Variants in GAS2 observed in about 807,000 individuals in gnomAD.
GAS2 encodes growth arrest-specific protein 2.
A neutral mutation model predicts 37.5 loss-of-function variants in GAS2; 20 were observed. That is an observed-to-expected ratio of 0.53 (90% CI 0.37 to 0.77). GAS2 has a LOEUF of 0.77. Among genes scored for constraint, GAS2 ranks in the 30% least tolerant of loss-of-function variants. The pLI is 0.00. For synonymous variants in GAS2, 144 were observed against 132.2 expected (o/e 1.09, Z -0.61); for missense variants, 336 against 373.4 (o/e 0.90, Z 0.82).
At chr11:22,732,233 A>G (rs1253874846) in intron 4 of GAS2, among the ~76,000 whole-genome samples, 2 of 151,782 alleles carry the variant, frequency 1.3e-5, no homozygotes, top group African/African-American at 4.8e-5. Flanking sequence ...ATTCTGAGTG[A>G]TAGTGGCTTA....
At chr11:22,787,847 T>C (rs1380380508) in intron 7 of GAS2, among the ~76,000 whole-genome samples, 3 of 152,220 alleles carry the variant, frequency 2.0e-5, no homozygotes, top group Non-Finnish European at 4.4e-5. Flanking sequence ...AACAGCTTGG[T>C]ATCTTGTTAG....
At chr11:22,675,907 TC>T (rs1316928152) in intron 2 of GAS2, among the ~76,000 whole-genome samples, 1 of 152,222 alleles carries the variant, frequency 6.6e-6, no homozygotes, top group Non-Finnish European at 1.5e-5. Context: ...GTGCACCCTG[TC>T]CATCTGAAAT....
At chr11:22,752,448 T>C (rs1853794761) in intron 6 of GAS2, among the ~76,000 whole-genome samples, 1 of 151,996 alleles carries the variant, frequency 6.6e-6, no homozygotes, top group Non-Finnish European at 1.5e-5. Context: ...ACATCTAATA[T>C]AAAAGGAAAT....
At chr11:22,645,930 G>A (rs12272637) in intron 1 of GAS2, among the ~76,000 whole-genome samples, 35,405 of 147,494 alleles carry the variant, frequency 0.24, 5,490 homozygotes, top group African/African-American at 0.44. Context: ...TGCAACCTCC[G>A]CCTCCCAAGT....
intron 7 of GAS2, among the ~76,000 whole-genome samples, chr11:22,803,509 C>T (rs1454121802): frequency 6.6e-6 from 1 of 152,056 alleles, no homozygotes; most frequent in Admixed American, 6.6e-5. Flanking sequence ...TAGCACTTTG[C>T]AGAATATGTG....
chr11:22,749,355 C>A, intron 6 of GAS2, 94 bp downstream of exon 6: 5 of 1,131,650 alleles, frequency 4.4e-6, no homozygotes, highest in Admixed American at 2.6e-5. Flanking sequence ...TAATCTTTAC[C>A]TATATCAATT....
chr11:22,661,309 A>G (rs1221185037), intron 1 of GAS2, among the ~76,000 whole-genome samples: 3 of 152,150 alleles, frequency 2.0e-5, no homozygotes, highest in Admixed American at 1.3e-4. Flanking sequence ...TCCCTTGGAT[A>G]TGCAGTGGTT....
Position 22,811,882 on chromosome 11 carries a change from C to A in GAS2, c.808C>A (p.Arg270=). ...AGYLLKHDPC[R]MLQISRVDGK... is the part of the protein sequence containing the mutation. ...GTATTTGTTGAAACACGACCCCTGC[C>A]GAATGCTGCAGATCTCCCGTGTGGA... Residue 270 remains arginine, a synonymous_variant, in exon 8 of 8, where the codon CGA becomes AGA. Coordinates refer to ENST00000454584, the MANE Select transcript of GAS2 (RefSeq NM_001143830.3). 6.2e-7 allele frequency: 1 copy of A among 1,614,088 alleles called. No individual in the cohort carries two copies. The highest frequency in any genetic ancestry group is 1.1e-5 in the South Asian group (1 of 91,076).
chr11:22,721,506 G>T (rs777598388), intron 3 of GAS2, among the ~76,000 whole-genome samples: 1 of 151,952 alleles, frequency 6.6e-6, no homozygotes, highest in African/African-American at 2.4e-5. Flanking sequence ...GATTTAGGAG[G>T]GAAGCTAGTC....
chr11:22,726,880 T>C (rs1218665420), intron 4 of GAS2, among the ~76,000 whole-genome samples: 1 of 152,120 alleles, frequency 6.6e-6, no homozygotes, highest in Admixed American at 6.6e-5. Flanking sequence ...TCTACCTTTA[T>C]TGAACGTACA....
At chr11:22,663,525 C>T (rs571543816), upstream of GAS2, among the ~76,000 whole-genome samples, 19 of 152,066 alleles carry the variant, frequency 1.2e-4, no homozygotes, top group South Asian at 1.0e-3. Flanking sequence ...TATGCTTATA[C>T]CTAACACAAT....
At chr11:22,689,576 G>T (rs772564112) in intron 3 of GAS2, among the ~76,000 whole-genome samples, 1 of 152,122 alleles carries the variant, frequency 6.6e-6, no homozygotes, top group Non-Finnish European at 1.5e-5. Context: ...GGCTACTATT[G>T]TTCATAAATA....
chr11:22,811,730 C>A, intron 7 of GAS2, 68 bp from the exon 8 acceptor site: 1 of 1,429,404 alleles, frequency 7.0e-7, no homozygotes, highest in Non-Finnish European at 9.8e-7. Flanking sequence ...TTCACTAGAA[C>A]CAGGGGTTGA....
intron 1 of GAS2, among the ~76,000 whole-genome samples, chr11:22,669,697 G>A (rs567082959): frequency 6.6e-5 from 10 of 152,214 alleles, no homozygotes; most frequent in Admixed American, 1.3e-4. Flanking sequence ...TGAATATATC[G>A]TTATTGTAAG....
At chr11:22,661,217 G>A (rs927204800) in intron 1 of GAS2, among the ~76,000 whole-genome samples, 1 of 152,178 alleles carries the variant, frequency 6.6e-6, no homozygotes, top group Non-Finnish European at 1.5e-5. Context: ...TGTCTTTACA[G>A]AGGGATCTCC....
chr11:22,704,431 A>G (rs960592523), intron 3 of GAS2, among the ~76,000 whole-genome samples: 2 of 151,540 alleles, frequency 1.3e-5, no homozygotes, highest in South Asian at 2.1e-4. Flanking sequence ...TAAAGTAGAG[A>G]AGAGAGTAAA....
intron 1 of GAS2, among the ~76,000 whole-genome samples, chr11:22,649,454 G>A (rs374932390): frequency 6.6e-5 from 10 of 151,516 alleles, no homozygotes; most frequent in South Asian, 2.1e-4. Flanking sequence ...GGAGGATTCC[G>A]TCTTTTTCTA....
intron 1 of GAS2, among the ~76,000 whole-genome samples, chr11:22,650,338 G>C (rs1189175649): frequency 6.6e-6 from 1 of 150,564 alleles, no homozygotes; most frequent in Non-Finnish European, 1.5e-5. Context: ...TTACTTCCAA[G>C]TATGTGGTCA....
chr11:22,664,814 T>G (rs1848957919), upstream of GAS2, among the ~76,000 whole-genome samples: 1 of 152,072 alleles, frequency 6.6e-6, no homozygotes, highest in South Asian at 2.1e-4. Context: ...CTAAAAAAAT[T>G]AAAATAAAAA....
Sources: allele counts gnomAD v4.1 joint callset (sites outside exome capture counted in the v4.1 genomes callset), GRCh38; gene constraint gnomAD v4.1.1; transcripts MANE v1.5; gene names NCBI Gene and HGNC (gene_info 2026-07-23, HGNC 2026-07-21).